The following DGKK variants were observed in gnomAD, a reference collection of about 807,000 sequenced individuals.
DGKK encodes diacylglycerol kinase kappa.
In DGKK, 35 loss-of-function variants were observed where a neutral mutation model predicts 92.2. That is an observed-to-expected ratio of 0.38 (90% CI 0.29 to 0.50). The LOEUF (loss-of-function observed/expected upper bound fraction) is 0.50. Ranked by LOEUF, DGKK falls within the 20% of genes least tolerant of loss-of-function variation. The pLI is 0.92. For missense variants in DGKK, 910 were observed against 992.2 expected (o/e 0.92, Z 1.11); for synonymous variants, 368 against 360.6 (o/e 1.02, Z -0.23).
At chrX:50,404,211 A>C in intron 4 of DGKK, 27 bp from the exon 5 acceptor site, 1 of 1,185,430 alleles carries the variant, frequency 8.4e-7, no homozygotes. Flanking sequence ...AGAAGAGAGA[A>C]TGGAGGATGA....
At chrX:50,397,124 G>A (rs782579750) in intron 8 of DGKK, among the ~76,000 whole-genome samples, 2 of 112,082 alleles carry the variant, frequency 1.8e-5, no homozygotes, top group African/African-American at 6.5e-5. Context: ...TGACTTGGCA[G>A]CATCAAGTGT....
chrX:50,390,244 T>C, intron 12 of DGKK, 84 bp downstream of exon 12: 6 of 908,384 alleles, frequency 6.6e-6, no homozygotes, highest in South Asian at 2.0e-5. Context: ...CCATGCACAA[T>C]GCAAAAGCTT....
In DGKK at chrX:50,470,230, G is replaced by T. The variant is rs782732827; in HGVS notation, c.449C>A (p.Ala150Asp). The stretch of plus-strand genomic sequence containing the variant: ...CACAGGTTCTGGGGTCGGCTCTGGG[G>T]CCAGCTCTGGGGCAACTTCTGGAGT... ...ELTPEVAPEL[A>D]PEPTPEPVTE... The change falls in exon 1 of 28, where the codon GCC becomes GAC. Residue 150 changes from alanine (A) to aspartate (D), a missense_variant. Transcript: ENST00000611977. 4 of 1,210,756 alleles carry T rather than the reference G, an allele frequency of 3.3e-6. No individual in the cohort carries two copies. In the East Asian group the frequency reaches 1.2e-4, roughly 36 times the overall value.
intron 1 of DGKK, among the ~76,000 whole-genome samples, chrX:50,461,959 ACT>A (rs1217474986): frequency 9.0e-6 from 1 of 111,553 alleles, no homozygotes; most frequent in Non-Finnish European, 1.9e-5. Flanking sequence ...CACCTCCATT[ACT>A]GAGTTGGCGA....
chrX:50,454,453 T>C (rs1177988201), intron 1 of DGKK, among the ~76,000 whole-genome samples: 3 of 111,416 alleles, frequency 2.7e-5, no homozygotes, highest in African/African-American at 9.8e-5. Context: ...TTCTGTATTG[T>C]TCCCTTCCAA....
At chrX:50,379,085 G>A (rs782576560) in intron 20 of DGKK, among the ~76,000 whole-genome samples, 2 of 111,959 alleles carry the variant, frequency 1.8e-5, no homozygotes, top group Admixed American at 1.9e-4. Flanking sequence ...GGGAGGCCAA[G>A]GTGGGTGGAT....
In DGKK at chrX:50,457,556, C is replaced by A. The variant is rs1181143066; in HGVS notation, c.645+12478G>T. On this transcript the variant is annotated intron_variant, in intron 1 of 27. Coordinates refer to ENST00000611977, the MANE Select transcript of DGKK (RefSeq NM_001013742.4). ...GTGCATTTGATTTTGTAAGATACTTCGTATCTTTTCTGGATGCAGGCAGAG... is the reference window on the plus strand; with the variant it reads ...GTGCATTTGATTTTGTAAGATACTTAGTATCTTTTCTGGATGCAGGCAGAG... Among the ~76,000 whole-genome samples, 7 of 111,698 alleles carry A rather than the reference C, an allele frequency of 6.3e-5. No individual in the cohort carries two copies. The Admixed American group carries it at 6.6e-4, about 11-fold the overall frequency.
chrX:50,463,724 G>A (rs915622350), intron 1 of DGKK, among the ~76,000 whole-genome samples: 1 of 109,856 alleles, frequency 9.1e-6, no homozygotes, highest in African/African-American at 3.3e-5. Context: ...GAGTTTGGGG[G>A]CATCTTCATT....
intron 10 of DGKK, 23 bp downstream of exon 10, chrX:50,392,316 TAA>T (rs1924720139): frequency 6.9e-6 from 8 of 1,153,136 alleles, no homozygotes; most frequent in African/African-American, 1.8e-5. Context: ...TAGCAATGGC[TAA>T]ACTGAGTCAT....
intron 1 of DGKK, 42 bp from the exon 2 acceptor site, chrX:50,424,400 A>G: frequency 9.2e-7 from 1 of 1,087,702 alleles, no homozygotes; most frequent in Non-Finnish European, 1.3e-6. Context: ...AGATCAATTC[A>G]TAAGGTCATA....
intron 10 of DGKK, among the ~76,000 whole-genome samples, chrX:50,392,080 C>T (rs1213003131): frequency 8.9e-6 from 1 of 112,195 alleles, no homozygotes; most frequent in Non-Finnish European, 1.9e-5. Context: ...GTTTGCTCTC[C>T]TCCCCTTCAA....
intron 4 of DGKK, among the ~76,000 whole-genome samples, chrX:50,415,633 C>G (rs1925414414): frequency 8.9e-6 from 1 of 112,244 alleles, no homozygotes; most frequent in Non-Finnish European, 1.9e-5. Context: ...ATTCTCCAAA[C>G]TTAAGATCTC....
chrX:50,419,046 C>T (rs782509141), intron 4 of DGKK, among the ~76,000 whole-genome samples: 31 of 111,583 alleles, frequency 2.8e-4, no homozygotes, highest in African/African-American at 1.0e-3. Context: ...ATGACTGCCT[C>T]TAATGTTGTA....
chrX:50,388,214 C>T (rs183753491), intron 13 of DGKK, among the ~76,000 whole-genome samples: 4 of 112,022 alleles, frequency 3.6e-5, no homozygotes, highest in East Asian at 2.8e-4. Context: ...ATGTCAAAGA[C>T]GGAAAGCAAG....
chrX:50,371,402 A>G (rs1924122730), intron 26 of DGKK, among the ~76,000 whole-genome samples: 1 of 111,958 alleles, frequency 8.9e-6, no homozygotes, highest in Non-Finnish European at 1.9e-5. Context: ...GGGAGGGGGA[A>G]TTTGCAGCCA....
chrX:50,390,409 T>C lies in DGKK; in HGVS notation c.1845A>G (p.Arg615=). 1 of 1,207,451 alleles carries C rather than the reference T, an allele frequency of 8.3e-7. No individual in the cohort carries two copies. Among genetic ancestry groups the C allele is most frequent in the Non-Finnish European group, 1.1e-6 (1 of 891,819 alleles). ...GAGTCTCACGAATCATCACACTCCA[T>C]CTGAAATGAATTTCAAAGACGGATA... ...VEQASVRILD[R]WSVMIRETPR... The change falls in exon 12 of 28, where the codon AGA becomes AGG. Residue 615 remains arginine (R), a splice_region_variant and synonymous_variant. Transcript: ENST00000611977.
Position 50,382,505 on chromosome X carries a change from C to A in DGKK, c.2648G>T (p.Gly883Val). Residue 883 changes from glycine (G) to valine (V), a missense_variant, in exon 18 of 28, where the codon GGG (glycine) becomes GTG (valine). Coordinates refer to ENST00000611977, the MANE Select transcript of DGKK (RefSeq NM_001013742.4). Reference sequence around the variant, plus strand: ...AGTTTCTTTTCCTTACTTGTATTGCCCTGGGTGTTCATCTCTTCTGGTGTT... The same window carrying A: ...AGTTTCTTTTCCTTACTTGTATTGCACTGGGTGTTCATCTCTTCTGGTGTT... ...DFNTRRDEHP[G>V]QYNSRLKNKM... 8.3e-7 allele frequency: 1 copy of A among 1,203,663 alleles called. No homozygotes were observed. Among genetic ancestry groups the A allele is most frequent in the Non-Finnish European group, 1.1e-6 (1 of 889,931 alleles).
intron 1 of DGKK, among the ~76,000 whole-genome samples, chrX:50,435,392 C>T (rs1331267435): frequency 1.8e-5 from 2 of 112,179 alleles, no homozygotes; most frequent in Admixed American, 1.9e-4. Flanking sequence ...CATGTTTACT[C>T]CTGAGCTGGG....
chrX:50,411,717 A>T (rs1925310454), intron 4 of DGKK, among the ~76,000 whole-genome samples: 1 of 111,823 alleles, frequency 8.9e-6, no homozygotes, highest in Non-Finnish European at 1.9e-5. Flanking sequence ...ATATGTAAAA[A>T]CCAGAGCAAT....
Sources: allele counts gnomAD v4.1 joint callset (sites outside exome capture counted in the v4.1 genomes callset), GRCh38; gene constraint gnomAD v4.1.1; transcripts MANE v1.5; gene names NCBI Gene and HGNC (gene_info 2026-07-23, HGNC 2026-07-21).